Variants in TBC1D22A observed in about 807,000 individuals in gnomAD.
TBC1D22A encodes TBC1 domain family member 22A.
A neutral mutation model predicts 60.2 loss-of-function variants in TBC1D22A; 38 were observed. The observed-to-expected ratio is 0.63, with a 90% confidence interval of 0.49 to 0.83. The LOEUF (loss-of-function observed/expected upper bound fraction) is 0.83. Among genes scored for constraint, TBC1D22A ranks in the 40% least tolerant of loss-of-function variants. The pLI, the probability that TBC1D22A is intolerant of heterozygous loss-of-function variation, is 0.00. For missense variants in TBC1D22A, 628 were observed against 701.0 expected, an observed-to-expected ratio of 0.90 and a Z score of 1.18; for synonymous variants, 302 against 281.7, an observed-to-expected ratio of 1.07 and a Z score of -0.72.
intron 11 of TBC1D22A, among the ~76,000 whole-genome samples, chr22:47,091,307 G>GGGGGGT (rs2064953344): frequency 1.9e-5 from 2 of 104,894 alleles, no homozygotes; most frequent in East Asian, 3.6e-4. Flanking sequence ...GTCGTCTTTG[G>GGGGGGT]GTGGCTGCGT....
chr22:46,867,249 G>A (rs117184754), intron 4 of TBC1D22A, among the ~76,000 whole-genome samples: 12,251 of 152,256 alleles, frequency 0.08, 670 homozygotes, highest in Non-Finnish European at 0.12. Flanking sequence ...TGTTTAGCAC[G>A]AAGGATGCTG....
At chr22:46,812,119 C>T (rs1018585014) in intron 4 of TBC1D22A, among the ~76,000 whole-genome samples, 41 of 152,096 alleles carry the variant, frequency 2.7e-4, no homozygotes, top group African/African-American at 9.7e-4. Context: ...AATCGGGCTT[C>T]TGGTGCTTTG....
chr22:47,019,172 G>A (rs1271370666), intron 10 of TBC1D22A, among the ~76,000 whole-genome samples: 1 of 152,220 alleles, frequency 6.6e-6, no homozygotes, highest in Non-Finnish European at 1.5e-5. Flanking sequence ...TTTCCGAGTG[G>A]CCTCCCAGTG....
At chr22:46,801,346 A>G (rs187464988) in intron 4 of TBC1D22A, among the ~76,000 whole-genome samples, 89 of 152,360 alleles carry the variant, frequency 5.8e-4, no homozygotes, top group African/African-American at 2.0e-3. Flanking sequence ...ATATTTGCCA[A>G]TGTTGGAGAA....
chr22:46,794,727 G>A (rs887678478), intron 3 of TBC1D22A, among the ~76,000 whole-genome samples: 6 of 152,200 alleles, frequency 3.9e-5, no homozygotes, highest in Non-Finnish European at 5.9e-5. Context: ...GGGTGGGAAC[G>A]CGGTGGCCCT....
At chr22:47,003,382 GCA>G (rs1423653153) in intron 10 of TBC1D22A, among the ~76,000 whole-genome samples, 1 of 151,530 alleles carries the variant, frequency 6.6e-6, no homozygotes, top group East Asian at 1.9e-4. Context: ...TAAAGTATAC[GCA>G]CACACACCCT....
At chr22:46,841,988 T>G (rs994376237) in intron 4 of TBC1D22A, among the ~76,000 whole-genome samples, 1 of 152,232 alleles carries the variant, frequency 6.6e-6, no homozygotes, top group African/African-American at 2.4e-5. Flanking sequence ...TGGTTACATC[T>G]GTTAAGCTGG....
At chr22:47,155,431 A>G (rs1277514906) in intron 12 of TBC1D22A, among the ~76,000 whole-genome samples, 5 of 152,146 alleles carry the variant, frequency 3.3e-5, no homozygotes, top group Non-Finnish European at 7.3e-5. Flanking sequence ...TTTCAAACTA[A>G]TAACTGGATT....
At chr22:47,042,466 G>T (rs1371438577) in intron 11 of TBC1D22A, among the ~76,000 whole-genome samples, 1 of 152,198 alleles carries the variant, frequency 6.6e-6, no homozygotes, top group Non-Finnish European at 1.5e-5. Context: ...TGAGAATGAA[G>T]ATGATGCGGG....
chr22:47,071,386 C>T (rs2063980921), intron 11 of TBC1D22A, among the ~76,000 whole-genome samples: 1 of 152,228 alleles, frequency 6.6e-6, no homozygotes, highest in African/African-American at 2.4e-5. Flanking sequence ...TGGCTGCTCC[C>T]TGCCCGTCCT....
rs894391750 is a variant in TBC1D22A, at chr22:46,934,748, C to T, written c.1015+22560C>T. ...CTCTCTGGTTCAGTGCAGGGCAATGCGTGCCGCCCCCGCTCAGCGTTGCCT... is the reference window on the plus strand; with the variant it reads ...CTCTCTGGTTCAGTGCAGGGCAATGTGTGCCGCCCCCGCTCAGCGTTGCCT... On this transcript the variant is annotated intron_variant, in intron 8 of 12. Transcript: ENST00000337137. Among the ~76,000 whole-genome samples, 10 of 152,272 alleles carry T rather than the reference C, an allele frequency of 6.6e-5. No homozygotes were observed. The South Asian group carries it at 1.0e-3, about 16-fold the overall frequency.
intron 3 of TBC1D22A, among the ~76,000 whole-genome samples, chr22:46,795,413 A>T (rs960241017): frequency 1.2e-4 from 18 of 152,308 alleles, no homozygotes; most frequent in African/African-American, 4.1e-4. Flanking sequence ...ATCTGACAAG[A>T]GGCAGGCTCA....
intron 12 of TBC1D22A, among the ~76,000 whole-genome samples, chr22:47,155,980 GGT>G: frequency 6.6e-6 from 1 of 152,320 alleles, no homozygotes; most frequent in East Asian, 1.9e-4. Flanking sequence ...CTACGTCTGT[GGT>G]GTGTGCCCAG....
chr22:46,978,856 G>T (rs946382458), intron 9 of TBC1D22A, among the ~76,000 whole-genome samples: 1 of 152,144 alleles, frequency 6.6e-6, no homozygotes, highest in East Asian at 1.9e-4. Context: ...TGATCTGCCC[G>T]CCTCAGCCTC....
chr22:46,817,424 G>C (rs557722246), intron 4 of TBC1D22A, among the ~76,000 whole-genome samples: 1 of 152,184 alleles, frequency 6.6e-6, no homozygotes, highest in South Asian at 2.1e-4. Context: ...CCCACCAACG[G>C]GTGCTGGTGT....
At chr22:47,023,585 C>T (rs1421252402) in intron 10 of TBC1D22A, among the ~76,000 whole-genome samples, 2 of 152,004 alleles carry the variant, frequency 1.3e-5, no homozygotes, top group African/African-American at 2.4e-5. Context: ...ATAAAGAAAA[C>T]ATCAGAAGCA....
chr22:46,834,180 GGAA>G (rs2086422992), intron 4 of TBC1D22A, among the ~76,000 whole-genome samples: 1 of 152,032 alleles, frequency 6.6e-6, no homozygotes, highest in Admixed American at 6.6e-5. Context: ...ACTAAAATAG[GGAA>G]GAGACTCAAG....
intron 11 of TBC1D22A, among the ~76,000 whole-genome samples, chr22:47,062,723 C>T (rs2063620934): frequency 6.6e-6 from 1 of 152,188 alleles, no homozygotes; most frequent in African/African-American, 2.4e-5. Context: ...CAGAACTCTG[C>T]ACAAACTGCG....
rs973168183 is a variant in TBC1D22A at position 46,918,788 on chromosome 22, C to T, written c.1015+6600C>T. 2.6e-5 allele frequency among the ~76,000 whole-genome samples: 4 copies of T among 152,164 alleles called. 1 individual carries two copies. Among genetic ancestry groups the T allele is most frequent in the Non-Finnish European group, 5.9e-5 (4 of 68,040 alleles). On this transcript the variant is annotated intron_variant, in intron 8 of 12. Coordinates refer to ENST00000337137, the MANE Select transcript of TBC1D22A (RefSeq NM_014346.5). ...ATGTTTCTGTGCTTGGGGAAGATTG[C>T]ACTCAGTGGACCACAGCCTCTTGCA...
Sources: allele counts gnomAD v4.1 joint callset (sites outside exome capture counted in the v4.1 genomes callset), GRCh38; gene constraint gnomAD v4.1.1; transcripts MANE v1.5; gene names NCBI Gene and HGNC (gene_info 2026-07-23, HGNC 2026-07-21).